NAV2: variants seen among roughly 807,000 people sequenced by gnomAD.
The protein encoded by NAV2 is neuron navigator 2.
NAV2 carries 54 observed loss-of-function variants against 223.2 expected under a neutral mutation model. The observed-to-expected ratio is 0.24, with a 90% CI of 0.19 to 0.30. The LOEUF (loss-of-function observed/expected upper bound fraction) is 0.30. Ranked by LOEUF, NAV2 falls within the 10% of genes least tolerant of loss-of-function variation. The pLI is 1.00. For missense variants in NAV2, 2,806 were observed against 3,147.5 expected, an observed-to-expected ratio of 0.89 and a Z score of 2.60; for synonymous variants, 1,279 against 1,239.3, an observed-to-expected ratio of 1.03 and a Z score of -0.67.
chr11:20,097,359 A>T (rs577852782), intron 30 of NAV2, among the ~76,000 whole-genome samples: 57 of 151,834 alleles, frequency 3.8e-4, no homozygotes, highest in Non-Finnish European at 6.9e-4. Flanking sequence ...TTTTTCTTCC[A>T]CTGCTAACCA....
At chr11:19,717,019 A>ATGATAT (rs2050366504) in intron 1 of NAV2, among the ~76,000 whole-genome samples, 1 of 152,186 alleles carries the variant, frequency 6.6e-6, no homozygotes, top group South Asian at 2.1e-4. Flanking sequence ...GTCTTTAACC[A>ATGATAT]TGATATTGTA....
chr11:19,884,376 T>G, intron 5 of NAV2: 1 of 1,609,324 alleles, frequency 6.2e-7, no homozygotes, highest in Non-Finnish European at 8.5e-7. Context: ...AGACTTTCTC[T>G]GTGTCCTGCA....
intron 1 of NAV2, among the ~76,000 whole-genome samples, chr11:19,513,079 T>C (rs941882302): frequency 1.3e-5 from 2 of 152,152 alleles, no homozygotes; most frequent in Admixed American, 1.3e-4. Flanking sequence ...ATTTCTGCAG[T>C]TGCATTTCTA....
intron 10 of NAV2, 132 bp from the exon 11 acceptor site, chr11:19,983,991 CAG>C: frequency 8.7e-7 from 1 of 1,148,976 alleles, no homozygotes; most frequent in Middle Eastern, 2.2e-4. Flanking sequence ...TGATCAGTGC[CAG>C]AGCCTCAGGG....
At chr11:19,941,433 A>G (rs200396243) in intron 8 of NAV2, among the ~76,000 whole-genome samples, 2 of 147,234 alleles carry the variant, frequency 1.4e-5, no homozygotes, top group Admixed American at 6.7e-5. Flanking sequence ...ATTTTTTTTT[A>G]TGGAGACACT....
At position 19,933,943 on chromosome 11, in the gene NAV2, C is replaced by T; in HGVS notation, c.1699C>T (p.Pro567Ser). The change falls in exon 7 of 38, where the codon CCA becomes TCA. Residue 567 changes from proline to serine, a missense_variant. This residue lies in a region of NAV2 where 1,167 missense variants were observed against 1,180.5 expected (regional missense o/e 0.99). Coordinates refer to ENST00000349880, the MANE Select transcript of NAV2 (RefSeq NM_145117.5). This position sits in a 1 kb window ranked among gnomAD's most constrained non-coding sequence, Gnocchi z 4.3. ...MAPSHSGIPKPGMKSMPGKSP... is the reference protein window; with the variant it reads ...MAPSHSGIPKSGMKSMPGKSP... ...CCCTTCCCACAGTGGAATACCAAAACCAGGAATGAAAAGCATGCCCGGGAA... is the reference window on the plus strand; with the variant it reads ...CCCTTCCCACAGTGGAATACCAAAATCAGGAATGAAAAGCATGCCCGGGAA... The T allele has an allele frequency of 1.3e-6, 2 of 1,596,074 alleles. No individual in the cohort carries two copies. The highest frequency in any genetic ancestry group is 1.7e-6 in the Non-Finnish European group (2 of 1,173,122).
chr11:20,103,216 C>A, intron 32 of NAV2, 39 bp from the exon 33 acceptor site: 1 of 1,585,448 alleles, frequency 6.3e-7, no homozygotes, highest in South Asian at 1.2e-5. Flanking sequence ...TGAGTGCATT[C>A]ACCCACTTGT....
intron 1 of NAV2, among the ~76,000 whole-genome samples, chr11:19,788,627 T>C (rs576208828): frequency 1.1e-4 from 17 of 152,348 alleles, no homozygotes; most frequent in Middle Eastern, 3.4e-3. Flanking sequence ...ACTGTACCTG[T>C]CTGCTGCTTT....
intron 3 of NAV2, among the ~76,000 whole-genome samples, chr11:19,860,707 C>G (rs1266214998): frequency 6.6e-6 from 1 of 151,976 alleles, no homozygotes; most frequent in Non-Finnish European, 1.5e-5. Flanking sequence ...TGTAGCGAGC[C>G]GAGATCATGC....
intron 10 of NAV2, among the ~76,000 whole-genome samples, chr11:19,979,881 G>A (rs888690608): frequency 2.0e-5 from 3 of 152,200 alleles, no homozygotes; most frequent in Non-Finnish European, 4.4e-5. Context: ...ACCTGCCTGC[G>A]CTGGGATCTT....
chr11:19,359,780 A>G (rs1474419115), intron 1 of NAV2, among the ~76,000 whole-genome samples: 5 of 152,230 alleles, frequency 3.3e-5, no homozygotes, highest in Non-Finnish European at 5.9e-5. Context: ...GCCAGGCTTC[A>G]GGAAATCAGG....
At chr11:19,620,006 A>G (rs1241390496) in intron 1 of NAV2, among the ~76,000 whole-genome samples, 1 of 152,200 alleles carries the variant, frequency 6.6e-6, no homozygotes, top group Admixed American at 6.5e-5. Flanking sequence ...AGCACCATTT[A>G]TTAAATAGGG....
intron 22 of NAV2, among the ~76,000 whole-genome samples, chr11:20,074,725 A>G (rs1276205606): frequency 6.9e-6 from 1 of 145,430 alleles, no homozygotes; most frequent in African/African-American, 2.6e-5. Flanking sequence ...CTTGGTTTAA[A>G]GTCTGTTTTA....
At chr11:19,743,031 G>T (rs1468093526) in intron 1 of NAV2, among the ~76,000 whole-genome samples, 4 of 152,198 alleles carry the variant, frequency 2.6e-5, no homozygotes, top group Non-Finnish European at 5.9e-5. Context: ...GATTAGAGAA[G>T]GAAGAACAGT....
chr11:19,646,176 C>G (rs1002034958), intron 1 of NAV2, among the ~76,000 whole-genome samples: 1 of 152,204 alleles, frequency 6.6e-6, no homozygotes, highest in East Asian at 1.9e-4. Flanking sequence ...GCCCCATCAG[C>G]AGAAATGCTA....
intron 8 of NAV2, among the ~76,000 whole-genome samples, chr11:19,941,408 A>G (rs1296118656): frequency 7.1e-6 from 1 of 141,084 alleles, no homozygotes; most frequent in African/African-American, 3.2e-5. Context: ...GAAGTCACAC[A>G]TGTGACTATG....
At chr11:19,401,917 C>T (rs1849703394) in intron 1 of NAV2, 1 of 152,170 alleles carries the variant, frequency 6.6e-6, no homozygotes, top group African/African-American at 2.4e-5. Context: ...CTAACCAGGC[C>T]CGACCCTGCT....
At chr11:19,880,610 G>T (rs2063140802) in intron 5 of NAV2, among the ~76,000 whole-genome samples, 1 of 152,298 alleles carries the variant, frequency 6.6e-6, no homozygotes, top group Non-Finnish European at 1.5e-5. Flanking sequence ...CCCTGAGCGG[G>T]GCAGTATCGC....
chr11:19,406,609 C>A (rs1224850405), intron 1 of NAV2, among the ~76,000 whole-genome samples: 1 of 151,992 alleles, frequency 6.6e-6, no homozygotes, highest in Non-Finnish European at 1.5e-5. Context: ...GGCTCATGTC[C>A]CCGGGAGGCT....
Sources: allele counts gnomAD v4.1 joint callset (sites outside exome capture counted in the v4.1 genomes callset), GRCh38; gene constraint gnomAD v4.1.1; regional missense constraint gnomAD v4.1.1; non-coding constraint Gnocchi (gnomAD v3.1); transcripts MANE v1.5; gene names NCBI Gene and HGNC (gene_info 2026-07-23, HGNC 2026-07-21).